YLPM1: variants seen among roughly 807,000 people sequenced by gnomAD.
The protein encoded by YLPM1 is YLP motif containing 1.
Under a neutral mutation model 230.0 loss-of-function variants are expected in YLPM1, and 99 were observed. That is an observed-to-expected ratio of 0.43 (90% CI 0.37 to 0.51). The LOEUF is 0.51. Among genes scored for constraint, YLPM1 ranks in the 20% least tolerant of loss-of-function variants. The probability of loss-of-function intolerance (pLI) is 0.00; values close to 1 mark genes in which losing one functional copy is unlikely to be tolerated. For synonymous variants in YLPM1, 984 were observed against 942.5 expected (o/e 1.04, Z -0.81); for missense variants, 2,592 against 2,707.7 (o/e 0.96, Z 0.95).
At chr14:74,832,670 G>A (rs576472568) in intron 19 of YLPM1, among the ~76,000 whole-genome samples, 7 of 151,928 alleles carry the variant, frequency 4.6e-5, no homozygotes, top group East Asian at 1.9e-4. Context: ...ACGGGGTTTC[G>A]CCATGTTGGC....
In YLPM1 at chr14:74,837,170, C is replaced by A. The variant is rs1290751145; in HGVS notation, c.*1432C>A. ...AAATTGATATTATAGTACTGAATAC[C>A]CCTAATTTAATGGAAATTCTAACAA... On this transcript the variant is annotated 3_prime_UTR_variant, in exon 21 of 21. Coordinates refer to ENST00000325680, the MANE Select transcript of YLPM1 (RefSeq NM_019589.3). 1.3e-5 allele frequency: 2 copies of A among 151,960 alleles called. No individual in the cohort carries two copies. The highest frequency in any genetic ancestry group is 4.8e-5 in the African/African-American group (2 of 41,346). 9.4% of individuals were successfully genotyped at this position (151,960 alleles called of 1,614,324 possible). A position where few individuals can be genotyped will look rare whatever the true frequency, so the allele number is the denominator to read the frequency against.
intron 18 of YLPM1, chr14:74,828,034 G>A (rs1016413151): frequency 1.0e-6 from 1 of 982,540 alleles, no homozygotes; most frequent in East Asian, 1.1e-4. Flanking sequence ...TGGGAAGGGG[G>A]CTTAGGAACA....
intron 1 of YLPM1, among the ~76,000 whole-genome samples, chr14:74,776,753 T>C (rs574945279): frequency 1.2e-4 from 18 of 152,230 alleles, no homozygotes; most frequent in African/African-American, 4.3e-4. Flanking sequence ...TCAGTGAGTA[T>C]GGATTTTGGG....
At chr14:74,821,995 C>G (rs2091525193) in intron 17 of YLPM1, 1 of 152,064 alleles carries the variant, frequency 6.6e-6, no homozygotes, top group Non-Finnish European at 1.5e-5. Context: ...AGGGAGTGGT[C>G]CCATCGAACC....
chr14:74,811,632 T>C lies in YLPM1; in HGVS notation c.5241T>C (p.Tyr1747=), dbSNP rs201655204. ...TTACACCTTCTAGAGCTCAGTCATA[T>C]CGAGACAAAAAAGACCATTCCTCAT... ...RRPRDDRAQS[Y]RDKKDHSSSR... The change falls in exon 10 of 21, where the codon TAT becomes TAC. Residue 1747 remains tyrosine (Y), a synonymous_variant. Transcript: ENST00000325680. The C allele has an allele frequency of 5.0e-6, 8 of 1,609,628 alleles. No homozygotes were observed. The highest frequency in any genetic ancestry group is 3.3e-5 in the South Asian group (3 of 90,092).
At position 74,763,377 on chromosome 14, in the gene YLPM1, C is replaced by T; in HGVS notation, c.-113C>T. Reference sequence around the variant, plus strand: ...CACTGGCGCGCTCCGTTTACACGCTCCGGGGCCTGTAGGCGCCGCGAGTTC... The same window carrying T: ...CACTGGCGCGCTCCGTTTACACGCTTCGGGGCCTGTAGGCGCCGCGAGTTC... On this transcript the variant is annotated 5_prime_UTR_variant, in exon 1 of 21. Coordinates refer to ENST00000325680, the MANE Select transcript of YLPM1 (RefSeq NM_019589.3). 16 of 1,317,500 alleles carry T rather than the reference C, an allele frequency of 1.2e-5. No individual in the cohort carries two copies. The highest frequency in any genetic ancestry group is 1.6e-5 in the Non-Finnish European group (16 of 1,010,970). The allele number at this position is 1,317,500 out of a possible 1,614,324, so 81.6% of individuals were successfully genotyped here. A position where few individuals can be genotyped will look rare whatever the true frequency, so the allele number is the denominator to read the frequency against.
chr14:74,774,242 G>A (rs769677673), intron 1 of YLPM1, among the ~76,000 whole-genome samples: 5 of 151,970 alleles, frequency 3.3e-5, no homozygotes, highest in Non-Finnish European at 7.4e-5. Flanking sequence ...GTAGAGTATT[G>A]GTTTTTTTCT....
rs1179396420 is a variant in YLPM1 at position 74,798,104 on chromosome 14, A to G, written c.2807A>G (p.Asp936Gly). 1.2e-6 allele frequency: 2 copies of G among 1,613,888 alleles called. No homozygotes were observed. Among genetic ancestry groups the G allele is most frequent in the Non-Finnish European group, 1.7e-6 (2 of 1,179,908 alleles). The change falls in exon 5 of 21, where the codon GAC becomes GGC. Residue 936 changes from aspartate (D) to glycine (G), a missense_variant. Asp to Gly is a moderately conservative substitution (Grantham distance 94, BLOSUM62 -1). Coordinates refer to ENST00000325680, the MANE Select transcript of YLPM1 (RefSeq NM_019589.3). ...GTTCAAAGTATGGAGACTCAAATCGACAAAGCCCAAGCTGTTACTCAGCCT... is the reference window on the plus strand; with the variant it reads ...GTTCAAAGTATGGAGACTCAAATCGGCAAAGCCCAAGCTGTTACTCAGCCT... Reference protein sequence around the residue: ...QNVQSMETQIDKAQAVTQPVP... With the variant: ...QNVQSMETQIGKAQAVTQPVP...
chr14:74,809,943 A>T lies in YLPM1; in HGVS notation c.4973A>T (p.Tyr1658Phe). The change falls in exon 8 of 21, where the codon TAT becomes TTT. Residue 1658 changes from tyrosine to phenylalanine, a missense_variant. Physicochemically the swap from Tyr to Phe is conservative, Grantham distance 22 (BLOSUM62 3). This residue lies in a region of YLPM1 where 403 missense variants were observed against 426.7 expected (regional missense o/e 0.94). Coordinates refer to ENST00000325680, the MANE Select transcript of YLPM1 (RefSeq NM_019589.3). ...ACTAATAAAGTTGAACAGATACCTTATGGAGAAAGAATAACTCTACGCCCA... is the reference window on the plus strand; with the variant it reads ...ACTAATAAAGTTGAACAGATACCTTTTGGAGAAAGAATAACTCTACGCCCA... ...ISTNKVEQIPYGERITLRPDP... is the reference protein window; with the variant it reads ...ISTNKVEQIPFGERITLRPDP... The T allele has an allele frequency of 1.2e-6, 2 of 1,610,000 alleles. No individual in the cohort carries two copies. The highest frequency in any genetic ancestry group is 1.1e-5 in the South Asian group (1 of 90,164).
At chr14:74,795,640 A>G (rs2091252481) in intron 4 of YLPM1, among the ~76,000 whole-genome samples, 1 of 152,206 alleles carries the variant, frequency 6.6e-6, no homozygotes, top group Non-Finnish European at 1.5e-5. Flanking sequence ...GCCTTAGACT[A>G]GGCATCACCT....
chr14:74,820,914 T>C, intron 16 of YLPM1, 143 bp from the exon 17 acceptor site: 1 of 858,564 alleles, frequency 1.2e-6, no homozygotes, highest in Non-Finnish European at 1.6e-6. Context: ...TTTCAAAATT[T>C]AGGGTGTTAA....
rs759754493 is a variant in YLPM1 at position 74,816,180 on chromosome 14, T to G, written c.5503-23T>G. The G allele has an allele frequency of 1.6e-3, 2,460 of 1,562,946 alleles. 4 individuals are homozygous for G. The highest frequency in any genetic ancestry group is 1.9e-3 in the Non-Finnish European group (2,177 of 1,157,714). On this transcript the variant is annotated intron_variant, in intron 11 of 20. Transcript: ENST00000325680. ...AATTTTCTCTCAGTGATTTTTTTTT[T>G]TTTTTGGTCTATTCTGTTTCAGATT... is the stretch of plus-strand genomic sequence containing the variant.
chr14:74,827,101 T>G (rs2091569252), intron 18 of YLPM1, among the ~76,000 whole-genome samples: 1 of 152,238 alleles, frequency 6.6e-6, no homozygotes, highest in Non-Finnish European at 1.5e-5. Flanking sequence ...GAACAGATTT[T>G]CAGAAATACC....
At chr14:74,816,447 T>G (rs1372361612) in intron 12 of YLPM1, 124 bp from the exon 13 acceptor site, 1 of 1,328,270 alleles carries the variant, frequency 7.5e-7, no homozygotes, top group African/African-American at 1.5e-5. Flanking sequence ...GAAACATTTT[T>G]GCCTCTGCTT....
intron 19 of YLPM1, among the ~76,000 whole-genome samples, chr14:74,831,775 C>T (rs554808158): frequency 6.6e-6 from 1 of 152,288 alleles, no homozygotes; most frequent in Admixed American, 6.5e-5. Context: ...ATTACTCATT[C>T]CTTCTTGGGT....
At chr14:74,818,155 T>A in intron 15 of YLPM1, 76 bp from the exon 16 acceptor site, 1 of 769,724 alleles carries the variant, frequency 1.3e-6, no homozygotes. Context: ...TATTGTTAAA[T>A]GTTGTTTATC....
chr14:74,800,667 A>G (rs2091315155), intron 5 of YLPM1, among the ~76,000 whole-genome samples: 1 of 152,238 alleles, frequency 6.6e-6, no homozygotes, highest in African/African-American at 2.4e-5. Context: ...TACGGTGAAG[A>G]AAAGGTAATG....
chr14:74,787,928 T>C (rs927140494), intron 4 of YLPM1, among the ~76,000 whole-genome samples: 2 of 151,812 alleles, frequency 1.3e-5, no homozygotes, highest in African/African-American at 4.8e-5. Context: ...GGCATGAGAA[T>C]TGCTTGAAGC....
chr14:74,804,893 A>G (rs2091361762), intron 6 of YLPM1, among the ~76,000 whole-genome samples: 1 of 152,208 alleles, frequency 6.6e-6, no homozygotes, highest in Non-Finnish European at 1.5e-5. Flanking sequence ...TTTTTGATTT[A>G]CAATAATTTA....
Sources: gnomAD v4.1 joint callset for allele counts (sites outside exome capture counted in the v4.1 genomes callset) on GRCh38, gnomAD v4.1.1 for gene constraint, gnomAD v4.1.1 regional missense constraint, MANE v1.5 for transcripts, NCBI Gene and HGNC (gene_info 2026-07-23, HGNC 2026-07-21) for gene names.